Variants in AXL observed in about 807,000 individuals in gnomAD.
AXL encodes tyrosine-protein kinase receptor UFO.
A neutral mutation model predicts 104.5 loss-of-function variants in AXL; 52 were observed. The ratio of observed to expected loss-of-function variants is 0.50; its 90% CI spans 0.40 to 0.63. The LOEUF (loss-of-function observed/expected upper bound fraction) is 0.63, where lower values mean the gene tolerates loss of function less well. Among genes scored for constraint, AXL ranks in the 20% least tolerant of loss-of-function variants. The pLI is 0.00. For synonymous variants in AXL, 455 were observed against 473.7 expected, an observed-to-expected ratio of 0.96 and a Z score of 0.51; for missense variants, 1,024 against 1,188.5, an observed-to-expected ratio of 0.86 and a Z score of 2.04.
intron 10 of AXL, 41 bp downstream of exon 10, chr19:41,239,761 A>G: frequency 6.2e-7 from 1 of 1,611,374 alleles, no homozygotes. Flanking sequence ...CCCTACCCTC[A>G]ACACCTAGTG....
In AXL at chr19:41,248,738, C is replaced by A. The variant is rs746779926; in HGVS notation, c.1634-5C>A. The stretch of plus-strand genomic sequence containing the variant: ...AGGTCAGTGTCTCCCTCTGGCCCCC[C>A]ACAGGAGAGTTTGGAGCTGTGATGG... On this transcript the variant is annotated splice_region_variant and splice_polypyrimidine_tract_variant and intron_variant, in intron 13 of 19. Coordinates refer to ENST00000301178, the MANE Select transcript of AXL (RefSeq NM_021913.5). 3 of 1,614,088 alleles carry A rather than the reference C, an allele frequency of 1.9e-6. No homozygotes were observed. The highest frequency in any genetic ancestry group is 2.2e-5 in the South Asian group (2 of 91,054).
intron 10 of AXL, among the ~76,000 whole-genome samples, chr19:41,239,948 A>AGATG (rs1197608645): frequency 4.6e-5 from 7 of 151,944 alleles, no homozygotes; most frequent in East Asian, 1.9e-4. Flanking sequence ...ATGAACAAAT[A>AGATG]GATGGATGGA....
intron 14 of AXL, among the ~76,000 whole-genome samples, chr19:41,251,310 C>G (rs2034357345): frequency 2.6e-5 from 4 of 152,072 alleles, no homozygotes; most frequent in Non-Finnish European, 5.9e-5. Flanking sequence ...ACTTGAAATC[C>G]TAGCACTTTG....
chr19:41,220,578 C>A (rs2033771326), intron 1 of AXL, 58 bp from the exon 2 acceptor site: 2 of 1,462,294 alleles, frequency 1.4e-6, no homozygotes, highest in Admixed American at 4.1e-5. Context: ...CAGGGTGGAA[C>A]TGAGGGCCGG....
intron 19 of AXL, among the ~76,000 whole-genome samples, chr19:41,258,707 C>T (rs952144569): frequency 1.1e-4 from 16 of 152,348 alleles, no homozygotes; most frequent in Admixed American, 5.9e-4. Context: ...TGAGCCTCCA[C>T]GCCCAGTCTG....
intron 4 of AXL, chr19:41,226,815 C>G (rs2033890158): frequency 1.0e-6 from 1 of 985,182 alleles, no homozygotes; most frequent in Non-Finnish European, 1.2e-6. Context: ...GTCCCAGGGC[C>G]GGGCACCGAG....
Position 41,221,930 on chromosome 19 carries a change from A to G in AXL, c.460A>G (p.Thr154Ala). Residue 154 changes from threonine (T) to alanine (A), a missense_variant, in exon 4 of 20, where the codon ACC becomes GCC. Thr to Ala is a moderately conservative substitution (Grantham distance 58). This residue lies in a region of AXL where 332 missense variants were observed against 343.9 expected (regional missense o/e 0.97). Transcript: ENST00000301178. ...EPEDRTVAAN[T>A]PFNLSCQAQG... The stretch of plus-strand genomic sequence containing the variant: ...CGAAGACAGGACTGTGGCCGCCAAC[A>G]CCCCCTTCAACCTGAGCTGCCAAGC... The G allele has an allele frequency of 1.2e-6, 2 of 1,612,122 alleles. No individual in the cohort carries two copies. Among genetic ancestry groups the G allele is most frequent in the Non-Finnish European group, 8.5e-7 (1 of 1,179,464 alleles).
At chr19:41,245,697 G>C (rs1219609383) in intron 12 of AXL, among the ~76,000 whole-genome samples, 7 of 139,204 alleles carry the variant, frequency 5.0e-5, no homozygotes, top group South Asian at 2.3e-4. Flanking sequence ...CTGGGTGATA[G>C]AGCAAGACAC....
At position 41,242,965 on chromosome 19, in the gene AXL, C is replaced by A; in HGVS notation, c.1395C>A (p.Leu465=). 6.2e-7 allele frequency: 1 copy of A among 1,614,232 alleles called. No homozygotes were observed. The highest frequency in any genetic ancestry group is 1.1e-5 in the South Asian group (1 of 91,084). The change falls in exon 11 of 20, where the codon CTC becomes CTA. Residue 465 remains leucine, a synonymous_variant. Transcript: ENST00000301178. ...LGAVVAAACV[L]ILALFLVHRR... ...CAGTCGTGGCCGCTGCCTGTGTCCT[C>A]ATCTTGGCTCTCTTCCTTGTCCACC...
intron 4 of AXL, among the ~76,000 whole-genome samples, chr19:41,225,711 G>T (rs1039798391): frequency 6.6e-6 from 1 of 152,238 alleles, no homozygotes; most frequent in African/African-American, 2.4e-5. Flanking sequence ...TGTGAGTCAC[G>T]GTGTTTTTGT....
chr19:41,249,317 T>C (rs1398466579), intron 14 of AXL, among the ~76,000 whole-genome samples: 1 of 152,052 alleles, frequency 6.6e-6, no homozygotes, highest in Non-Finnish European at 1.5e-5. Context: ...TAGCTGGGCA[T>C]GGTGGCACAC....
chr19:41,231,981 C>T (rs2033998755), intron 6 of AXL, among the ~76,000 whole-genome samples: 2 of 151,858 alleles, frequency 1.3e-5, no homozygotes, highest in African/African-American at 4.8e-5. Flanking sequence ...AAATGATCAG[C>T]TGTTTTAATT....
At chr19:41,245,494 C>T (rs1028788957) in intron 12 of AXL, among the ~76,000 whole-genome samples, 10 of 151,950 alleles carry the variant, frequency 6.6e-5, no homozygotes, top group East Asian at 5.8e-4. Context: ...GAGGCCCAGG[C>T]GGGCAGACAC....
intron 1 of AXL, 37 bp from the exon 2 acceptor site, chr19:41,220,599 G>A (rs2033771847): frequency 6.5e-7 from 1 of 1,526,772 alleles, no homozygotes; most frequent in African/African-American, 1.4e-5. Context: ...AAGGAGCTGG[G>A]GGGTTCCTAA....
intron 18 of AXL, among the ~76,000 whole-genome samples, chr19:41,257,040 A>G (rs780557802): frequency 4.6e-5 from 7 of 151,920 alleles, no homozygotes; most frequent in African/African-American, 9.7e-5. Flanking sequence ...TATTTTTTAT[A>G]TATATATATT....
At chr19:41,239,648 CT>C (rs1440250287) in intron 9 of AXL, 45 bp from the exon 10 acceptor site, 2 of 1,613,338 alleles carry the variant, frequency 1.2e-6, no homozygotes, top group Middle Eastern at 1.7e-4. Context: ...CCACGCCAGT[CT>C]TGTCCTCTCT....
chr19:41,249,601 C>CA (rs2034328330), intron 14 of AXL, among the ~76,000 whole-genome samples: 1 of 151,812 alleles, frequency 6.6e-6, no homozygotes, highest in Non-Finnish European at 1.5e-5. Flanking sequence ...ACTAAAAATA[C>CA]AAAAATTAGC....
At chr19:41,252,514 C>T in intron 15 of AXL, 71 bp downstream of exon 15, 2 of 1,531,200 alleles carry the variant, frequency 1.3e-6, no homozygotes, top group Admixed American at 1.7e-5. Flanking sequence ...AGCCCTGCTT[C>T]TGGCCCTGGG....
intron 4 of AXL, among the ~76,000 whole-genome samples, chr19:41,223,782 A>AGAAG (rs1308083524): frequency 3.3e-5 from 5 of 151,804 alleles, no homozygotes; most frequent in African/African-American, 1.2e-4. Flanking sequence ...AGGTCCCATG[A>AGAAG]GAAGGGGAGG....
Sources: gnomAD v4.1 joint callset for allele counts (sites outside exome capture counted in the v4.1 genomes callset) on GRCh38, gnomAD v4.1.1 for gene constraint, gnomAD v4.1.1 regional missense constraint, MANE v1.5 for transcripts, NCBI Gene and HGNC (gene_info 2026-07-23, HGNC 2026-07-21) for gene names.